The following UBAP1 variants were observed in gnomAD, a reference collection of about 807,000 sequenced individuals.
UBAP1 encodes ubiquitin-associated protein 1.
Under a neutral mutation model 39.0 loss-of-function variants are expected in UBAP1, and 5 were observed. The ratio of observed to expected loss-of-function variants is 0.13; its 90% CI spans 0.07 to 0.27. The LOEUF (loss-of-function observed/expected upper bound fraction) is 0.27, where lower values mean the gene tolerates loss of function less well. Among genes scored for constraint, UBAP1 ranks in the 10% least tolerant of loss-of-function variants. UBAP1 has a pLI of 1.00. For missense variants in UBAP1, 490 were observed against 608.1 expected, an observed-to-expected ratio of 0.81 and a Z score of 2.04; for synonymous variants, 211 against 225.1, an observed-to-expected ratio of 0.94 and a Z score of 0.56.
At chr9:34,226,131 G>GTGTGTGTGTGTGTGTGTGTGTT in intron 2 of UBAP1, among the ~76,000 whole-genome samples, 1 of 143,604 alleles carries the variant, frequency 7.0e-6, no homozygotes, top group Non-Finnish European at 1.5e-5. Flanking sequence ...GTGTGTGTGT[G>GTGTGTGTGTGTGTGTGTGTGTT]TGTGTGTGTG....
intron 1 of UBAP1, among the ~76,000 whole-genome samples, chr9:34,218,646 CTG>C (rs1832482433): frequency 6.6e-6 from 1 of 152,142 alleles, no homozygotes; most frequent in Admixed American, 6.6e-5. Flanking sequence ...AGAAGTCTCA[CTG>C]TGAGACCGGG....
chr9:34,251,625 G>A lies in UBAP1; in HGVS notation c.*93G>A. 2.1e-6 allele frequency: 3 copies of A among 1,440,690 alleles called. No individual in the cohort carries two copies. Among genetic ancestry groups the A allele is most frequent in the South Asian group, 1.3e-5 (1 of 74,610 alleles). The allele number at this position is 1,440,690 out of a possible 1,614,324, so 89.2% of individuals were successfully genotyped here. On this transcript the variant is annotated 3_prime_UTR_variant, in exon 7 of 7. Coordinates refer to ENST00000297661, the MANE Select transcript of UBAP1 (RefSeq NM_016525.5). ...GGGGAAAGAGAAGGGGCAGCTTCCG[G>A]ATTTTCTTTTGGGGGTTAGAAGGTC... is the stretch of plus-strand genomic sequence containing the variant.
intron 1 of UBAP1, among the ~76,000 whole-genome samples, chr9:34,204,243 T>C (rs7853065): frequency 0.76 from 115,117 of 152,090 alleles, 44,094 homozygotes; most frequent in East Asian, 0.95. Context: ...ACAAGAATCT[T>C]GCTGCTGCAC....
intron 1 of UBAP1, among the ~76,000 whole-genome samples, chr9:34,198,479 C>T (rs886186101): frequency 1.3e-5 from 2 of 152,164 alleles, no homozygotes; most frequent in African/African-American, 4.8e-5. Context: ...ATAGGCTATG[C>T]TCAGCTGAGG....
At chr9:34,237,026 A>G (rs1343392242) in intron 3 of UBAP1, among the ~76,000 whole-genome samples, 2 of 151,922 alleles carry the variant, frequency 1.3e-5, no homozygotes, top group Admixed American at 1.3e-4. Flanking sequence ...TTCTCACTAT[A>G]CTGAAAACTC....
intron 1 of UBAP1, among the ~76,000 whole-genome samples, chr9:34,216,267 C>A (rs1289249588): frequency 6.6e-6 from 1 of 151,600 alleles, no homozygotes; most frequent in Non-Finnish European, 1.5e-5. Context: ...TTAAAATGAT[C>A]AATTTAGTGG....
At chr9:34,195,139 G>GTT (rs1178929604) in intron 1 of UBAP1, among the ~76,000 whole-genome samples, 5 of 143,882 alleles carry the variant, frequency 3.5e-5, no homozygotes, top group Non-Finnish European at 4.6e-5. Flanking sequence ...ATTCAGGTAA[G>GTT]TTTTTTTTTT....
At chr9:34,221,720 A>G (rs1408733197) in intron 2 of UBAP1, among the ~76,000 whole-genome samples, 6 of 152,062 alleles carry the variant, frequency 3.9e-5, no homozygotes, top group African/African-American at 1.4e-4. Flanking sequence ...AGGTATCAAT[A>G]CTGATATTTA....
chr9:34,217,308 C>G (rs778855506), intron 1 of UBAP1, among the ~76,000 whole-genome samples: 25 of 152,232 alleles, frequency 1.6e-4, no homozygotes, highest in Admixed American at 7.9e-4. Flanking sequence ...ATGATCTCAG[C>G]TCACTGCAGC....
chr9:34,225,602 C>G (rs1833001889), intron 2 of UBAP1, among the ~76,000 whole-genome samples: 2 of 151,388 alleles, frequency 1.3e-5, no homozygotes, highest in South Asian at 4.2e-4. Context: ...ATGGTGAAAC[C>G]CTGTCTCTAC....
At chr9:34,222,936 G>A (rs992146295) in intron 2 of UBAP1, among the ~76,000 whole-genome samples, 5 of 152,174 alleles carry the variant, frequency 3.3e-5, no homozygotes, top group African/African-American at 1.2e-4. Flanking sequence ...GAAAAGCTTA[G>A]GGAGAGAAAA....
At chr9:34,209,849 T>C (rs1311802006) in intron 1 of UBAP1, among the ~76,000 whole-genome samples, 2 of 152,180 alleles carry the variant, frequency 1.3e-5, no homozygotes, top group African/African-American at 4.8e-5. Context: ...GATAAATGTA[T>C]GCATCTATGC....
chr9:34,208,272 C>T (rs1472370313), intron 1 of UBAP1, among the ~76,000 whole-genome samples: 14 of 151,646 alleles, frequency 9.2e-5, no homozygotes, highest in East Asian at 1.9e-4. Flanking sequence ...TCAATTTTTC[C>T]GAAGTTTTTT....
At chr9:34,242,175 T>G in intron 4 of UBAP1, 67 bp downstream of exon 4, 1 of 1,475,586 alleles carries the variant, frequency 6.8e-7, no homozygotes, top group African/African-American at 1.4e-5. Flanking sequence ...TTTTTTCTTG[T>G]TGTTTGGTTG....
At chr9:34,199,960 T>A (rs1831279350) in intron 1 of UBAP1, among the ~76,000 whole-genome samples, 2 of 148,438 alleles carry the variant, frequency 1.3e-5, no homozygotes, top group South Asian at 2.1e-4. Flanking sequence ...TTTTCTACAA[T>A]TTTTTTTTTT....
chr9:34,198,586 C>T (rs1261979542), intron 1 of UBAP1, among the ~76,000 whole-genome samples: 1 of 152,150 alleles, frequency 6.6e-6, no homozygotes, highest in Non-Finnish European at 1.5e-5. Context: ...GGTGGTTGGG[C>T]TCTCTGGTTG....
At chr9:34,192,552 G>A (rs1448520423) in intron 1 of UBAP1, among the ~76,000 whole-genome samples, 3 of 145,130 alleles carry the variant, frequency 2.1e-5, no homozygotes, top group African/African-American at 7.5e-5. Flanking sequence ...TACACTTCTA[G>A]TTCATCTTTC....
In UBAP1 at chr9:34,182,091, G is replaced by GT. The variant is rs1029383540; in HGVS notation, c.-8+2852dup. Among the ~76,000 whole-genome samples the GT allele has an allele frequency of 4.7e-4, 70 of 150,042 alleles. 3 individuals carry two copies. The highest frequency in any genetic ancestry group is 1.7e-3 in the African/African-American group (68 of 40,310). ...TGGGAGGCATGAGCAGCTAGTGCAC[G>GT]TATTTTTGACTGGTGAATGTCACAT... On this transcript the variant is annotated intron_variant, in intron 1 of 6. Transcript: ENST00000297661.
rs1440474034 is a variant in UBAP1 at position 34,212,055 on chromosome 9, A to G, written c.-7-8853A>G. ...CCACCAGCTAAAAAAGAAAAAGAATATGTTTTATTGTTATTTTTGATTGAT... is the reference window on the plus strand; with the variant it reads ...CCACCAGCTAAAAAAGAAAAAGAATGTGTTTTATTGTTATTTTTGATTGAT... On this transcript the variant is annotated intron_variant, in intron 1 of 6. Coordinates refer to ENST00000297661, the MANE Select transcript of UBAP1 (RefSeq NM_016525.5). The G allele has an allele frequency of 1.7e-5, 7 of 419,230 alleles. No individual in the cohort carries two copies. The East Asian group carries it at 4.4e-4, about 26-fold the overall frequency. 26.0% of individuals were successfully genotyped at this position (419,230 alleles called of 1,614,324 possible).
Sources: gnomAD v4.1 joint callset for allele counts (sites outside exome capture counted in the v4.1 genomes callset) on GRCh38, gnomAD v4.1.1 for gene constraint, MANE v1.5 for transcripts, NCBI Gene and HGNC (gene_info 2026-07-23, HGNC 2026-07-21) for gene names.